Variants in PRKCB observed in about 807,000 individuals in gnomAD.
The protein encoded by PRKCB is protein kinase C beta, also known as protein kinase C beta type.
Under a neutral mutation model 81.5 loss-of-function variants are expected in PRKCB, and 13 were observed. The observed-to-expected ratio is 0.16, with a 90% confidence interval of 0.10 to 0.25. PRKCB has a LOEUF of 0.25. Ranked by LOEUF, PRKCB falls within the 10% of genes least tolerant of loss-of-function variation. The pLI is 1.00. For synonymous variants in PRKCB, 335 were observed against 321.4 expected, an observed-to-expected ratio of 1.04 and a Z score of -0.45; for missense variants, 509 against 875.7, an observed-to-expected ratio of 0.58 and a Z score of 5.29.
chr16:24,045,488 CT>C (rs1965752672), intron 5 of PRKCB, among the ~76,000 whole-genome samples: 1 of 152,204 alleles, frequency 6.6e-6, no homozygotes, highest in African/African-American at 2.4e-5. Flanking sequence ...CCTGGCAGGT[CT>C]ACGCTAAACT....
intron 3 of PRKCB, among the ~76,000 whole-genome samples, chr16:23,996,848 T>C (rs891786897): frequency 6.6e-6 from 1 of 152,148 alleles, no homozygotes; most frequent in African/African-American, 2.4e-5. Flanking sequence ...TAGGTAGCAA[T>C]ACCTTGCATG....
At chr16:24,074,696 T>G (rs1966156594) in intron 5 of PRKCB, among the ~76,000 whole-genome samples, 1 of 152,122 alleles carries the variant, frequency 6.6e-6, no homozygotes, top group South Asian at 2.1e-4. Flanking sequence ...CTGGGAAGAT[T>G]AATTTGTCTG....
At chr16:24,202,902 G>A (rs1206186792) in intron 16 of PRKCB, among the ~76,000 whole-genome samples, 1 of 151,302 alleles carries the variant, frequency 6.6e-6, no homozygotes, top group Non-Finnish European at 1.5e-5. Context: ...GTCTTAGTCT[G>A]TTTTGTGCTG....
intron 16 of PRKCB, among the ~76,000 whole-genome samples, chr16:24,214,334 G>GT (rs1272935472): frequency 6.6e-6 from 1 of 152,066 alleles, no homozygotes; most frequent in African/African-American, 2.4e-5. Context: ...CTCGGGGTGG[G>GT]TTGGGGGGAC....
intron 5 of PRKCB, among the ~76,000 whole-genome samples, chr16:24,076,781 G>A (rs1250115840): frequency 2.0e-5 from 3 of 152,196 alleles, no homozygotes; most frequent in Non-Finnish European, 4.4e-5. Context: ...CAGGGTCACT[G>A]GAATATTTGC....
intron 2 of PRKCB, among the ~76,000 whole-genome samples, chr16:23,898,119 G>A (rs1422449203): frequency 1.3e-5 from 2 of 150,134 alleles, no homozygotes; most frequent in Non-Finnish European, 3.0e-5. Flanking sequence ...AGGCCAGAGT[G>A]CAGTGGTGCG....
intron 3 of PRKCB, among the ~76,000 whole-genome samples, chr16:23,996,865 C>A (rs1331825582): frequency 6.6e-6 from 1 of 151,832 alleles, no homozygotes; most frequent in Non-Finnish European, 1.5e-5. Flanking sequence ...CATGCCTGGG[C>A]AAGATTCTCC....
At position 23,988,569 on chromosome 16, in the gene PRKCB, T is replaced by C; in HGVS notation, c.267T>C (p.Ala89=). ...HEFVTFSCPG[A]DKGPASDDPR... is the part of the protein sequence containing the mutation. ...TTGTCACATTCTCCTGCCCTGGCGCTGACAAGGGTCCAGCCTCCGATGTAA... is the reference window on the plus strand; with the variant it reads ...TTGTCACATTCTCCTGCCCTGGCGCCGACAAGGGTCCAGCCTCCGATGTAA... The change falls in exon 3 of 17, where the codon GCT becomes GCC. Residue 89 remains alanine (A), a synonymous_variant. Transcript: ENST00000643927. The C allele has an allele frequency of 6.2e-7, 1 of 1,614,132 alleles. No individual in the cohort carries two copies. The highest frequency in any genetic ancestry group is 8.5e-7 in the Non-Finnish European group (1 of 1,179,954).
At chr16:23,843,517 T>C (rs1009871985) in intron 2 of PRKCB, among the ~76,000 whole-genome samples, 1 of 152,044 alleles carries the variant, frequency 6.6e-6, no homozygotes, top group Non-Finnish European at 1.5e-5. Context: ...TGGGTTAACA[T>C]TGAGTCTTAA....
At chr16:24,024,752 A>G (rs1299945030) in intron 3 of PRKCB, among the ~76,000 whole-genome samples, 1 of 152,148 alleles carries the variant, frequency 6.6e-6, no homozygotes, top group Admixed American at 6.5e-5. Flanking sequence ...AGCTGTGTTC[A>G]GGGAATGTGG....
chr16:24,218,890 C>T lies in PRKCB; in HGVS notation c.*4074C>T. The T allele has an allele frequency of 1.0e-6, 1 of 985,416 alleles. No homozygotes were observed. Among genetic ancestry groups the T allele is most frequent in the Non-Finnish European group, 1.2e-6 (1 of 829,962 alleles). The allele number at this position is 985,416 out of a possible 1,614,324, so 61.0% of individuals were successfully genotyped here. A position where few individuals can be genotyped will look rare whatever the true frequency, so the allele number is the denominator to read the frequency against. Reference sequence around the variant, plus strand: ...TCCAGTCCGAGAGACTGTGATGAGGCCTACATAGCAGCGATGTGGTCAGGT... The same window carrying T: ...TCCAGTCCGAGAGACTGTGATGAGGTCTACATAGCAGCGATGTGGTCAGGT... On this transcript the variant is annotated 3_prime_UTR_variant, in exon 17 of 17. Coordinates refer to ENST00000643927, the MANE Select transcript of PRKCB (RefSeq NM_002738.7).
At chr16:24,171,427 G>A (rs762917298) in intron 10 of PRKCB, among the ~76,000 whole-genome samples, 2 of 152,124 alleles carry the variant, frequency 1.3e-5, no homozygotes, top group African/African-American at 2.4e-5. Context: ...TCTTTTACGC[G>A]CTACTCCTGG....
At position 23,979,376 on chromosome 16, in the gene PRKCB, G is replaced by A. The variant is rs146751620; in HGVS notation, c.206-9132G>A. Reference sequence around the variant, plus strand: ...GTCCCCTGGTGCTGGGCATTCACACGTAAAATCTCATTTAGATTTTTGTTA... The same window carrying A: ...GTCCCCTGGTGCTGGGCATTCACACATAAAATCTCATTTAGATTTTTGTTA... On this transcript the variant is annotated intron_variant, in intron 2 of 16. Transcript: ENST00000643927. Among the ~76,000 whole-genome samples, 727 of 151,962 alleles carry A rather than the reference G, an allele frequency of 4.8e-3. 5 individuals carry two copies. Among genetic ancestry groups the A allele is most frequent in the Non-Finnish European group, 8.3e-3 (567 of 68,022 alleles).
Position 23,990,330 on chromosome 16 carries a change from C to T in PRKCB, c.288+1740C>T, listed in dbSNP as rs1285549786. ...AAAATTAGCCAGGCATGGTGGTGGG[C>T]GCCTGTAGTCCTAGCTCCTTGGGAG... On this transcript the variant is annotated intron_variant, in intron 3 of 16. Coordinates refer to ENST00000643927, the MANE Select transcript of PRKCB (RefSeq NM_002738.7). 4.6e-5 allele frequency among the ~76,000 whole-genome samples: 7 copies of T among 151,806 alleles called. No homozygotes were observed. The East Asian group carries it at 7.7e-4, about 17-fold the overall frequency.
At chr16:24,010,300 T>C (rs12599729) in intron 3 of PRKCB, among the ~76,000 whole-genome samples, 46,608 of 152,110 alleles carry the variant, frequency 0.31, 7,300 homozygotes, top group South Asian at 0.36. Context: ...TTCCCATTTT[T>C]TTCCAGAGAA....
chr16:24,037,309 G>A (rs776443485), intron 5 of PRKCB, among the ~76,000 whole-genome samples: 4 of 152,072 alleles, frequency 2.6e-5, no homozygotes, highest in African/African-American at 4.8e-5. Context: ...CTTGTTTTAT[G>A]AACAAAGAAG....
intron 5 of PRKCB, among the ~76,000 whole-genome samples, chr16:24,055,560 C>T (rs550063503): frequency 1.3e-5 from 2 of 152,242 alleles, no homozygotes; most frequent in African/African-American, 2.4e-5. Flanking sequence ...TTCCCCCCAT[C>T]GAGGATCAAT....
chr16:23,987,423 T>G (rs1596500015), intron 2 of PRKCB, among the ~76,000 whole-genome samples: 1 of 151,386 alleles, frequency 6.6e-6, no homozygotes, highest in East Asian at 2.0e-4. Context: ...TGTTTGCTGA[T>G]CGCATCCCTG....
intron 2 of PRKCB, among the ~76,000 whole-genome samples, chr16:23,892,572 G>A (rs367814190): frequency 2.6e-5 from 4 of 152,172 alleles, no homozygotes; most frequent in African/African-American, 9.7e-5. Context: ...TTAATTCAAA[G>A]CACTTGCATT....
Sources: allele counts gnomAD v4.1 joint callset (sites outside exome capture counted in the v4.1 genomes callset), GRCh38; gene constraint gnomAD v4.1.1; transcripts MANE v1.5; gene names NCBI Gene and HGNC (gene_info 2026-07-23, HGNC 2026-07-21).